The following CCDC91 variants were observed in gnomAD, a reference collection of about 807,000 sequenced individuals.
The protein encoded by CCDC91 is coiled-coil domain containing 91, also known as coiled-coil domain-containing protein 91.
A neutral mutation model predicts 63.2 loss-of-function variants in CCDC91; 48 were observed. The observed-to-expected ratio is 0.76, with a 90% confidence interval of 0.60 to 0.97. The LOEUF (loss-of-function observed/expected upper bound fraction) is 0.97. Among genes scored for constraint, CCDC91 ranks in the 50% least tolerant of loss-of-function variants. CCDC91 has a pLI of 0.00. For missense variants in CCDC91, 500 were observed against 494.6 expected, an observed-to-expected ratio of 1.01 and a Z score of -0.10; for synonymous variants, 167 against 165.8, an observed-to-expected ratio of 1.01 and a Z score of -0.06.
chr12:28,245,382 A>T (rs980104244), intron 1 of CCDC91, among the ~76,000 whole-genome samples: 16 of 152,198 alleles, frequency 1.1e-4, no homozygotes, highest in Non-Finnish European at 1.5e-5. Context: ...AGATGGCTGA[A>T]ATACTTAAAT....
intron 3 of CCDC91, among the ~76,000 whole-genome samples, chr12:28,292,963 C>A (rs1254321637): frequency 6.6e-6 from 1 of 152,046 alleles, no homozygotes; most frequent in Non-Finnish European, 1.5e-5. Flanking sequence ...CAGCTTCTGG[C>A]AAATGGTATA....
Position 28,193,605 on chromosome 12 carries a change from CA to C in CCDC91, c.-15+2978del, listed in dbSNP as rs61394800. Among the ~76,000 whole-genome samples the C allele has an allele frequency of 3.6e-3, 465 of 130,440 alleles. 4 individuals are homozygous for C. Among genetic ancestry groups the C allele is most frequent in the Middle Eastern group, 8.2e-3 (2 of 244 alleles). 85.6% of individuals were successfully genotyped at this position (130,440 alleles called of 152,430 possible). ...ACAGAGTGAAACTCCGTCTCAAAAACAAAAAAAAAAAAAAGAAGGAAATTAC... is the reference window on the plus strand; with the variant it reads ...ACAGAGTGAAACTCCGTCTCAAAAACAAAAAAAAAAAAAGAAGGAAATTAC... On this transcript the variant is annotated intron_variant, in intron 1 of 12. Coordinates refer to ENST00000536442, the MANE Select transcript of CCDC91 (RefSeq NM_018318.5).
intron 1 of CCDC91, among the ~76,000 whole-genome samples, chr12:28,208,048 A>T (rs184946678): frequency 6.6e-6 from 1 of 152,308 alleles, no homozygotes; most frequent in Non-Finnish European, 1.5e-5. Context: ...GCAGTTTTAT[A>T]ACCCAGTCAG....
chr12:28,369,830 C>G (rs1190330110), intron 7 of CCDC91, among the ~76,000 whole-genome samples: 2 of 152,206 alleles, frequency 1.3e-5, no homozygotes, highest in Non-Finnish European at 2.9e-5. Context: ...GGCTTACACC[C>G]TCTGAGGCAA....
chr12:28,331,035 A>G (rs556562798), intron 6 of CCDC91, among the ~76,000 whole-genome samples: 2 of 152,292 alleles, frequency 1.3e-5, no homozygotes, highest in South Asian at 4.1e-4. Flanking sequence ...ATGCTTCCAG[A>G]TTAGAATTTA....
chr12:28,280,348 C>CT (rs571834307), intron 3 of CCDC91, among the ~76,000 whole-genome samples: 1 of 151,884 alleles, frequency 6.6e-6, no homozygotes, highest in African/African-American at 2.4e-5. Flanking sequence ...AGGTCTTTCA[C>CT]TTTTTTTTCC....
intron 1 of CCDC91, among the ~76,000 whole-genome samples, chr12:28,207,546 G>A (rs2033038264): frequency 1.3e-5 from 2 of 152,180 alleles, no homozygotes; most frequent in Admixed American, 6.5e-5. Context: ...GCATGGGAAA[G>A]TTTGTATACA....
At chr12:28,303,074 AG>A (rs1484924025) in intron 3 of CCDC91, among the ~76,000 whole-genome samples, 2 of 152,064 alleles carry the variant, frequency 1.3e-5, no homozygotes, top group Non-Finnish European at 2.9e-5. Flanking sequence ...CCAAAGGAGG[AG>A]TTTTAAGAAA....
intron 11 of CCDC91, among the ~76,000 whole-genome samples, chr12:28,475,510 A>G (rs1473867449): frequency 1.3e-5 from 2 of 152,074 alleles, no homozygotes; most frequent in African/African-American, 4.8e-5. Flanking sequence ...AAGGGCTTGT[A>G]GCTCCTTCCT....
intron 12 of CCDC91, among the ~76,000 whole-genome samples, chr12:28,527,607 A>G (rs1224618708): frequency 7.1e-6 from 1 of 140,796 alleles, no homozygotes; most frequent in African/African-American, 2.5e-5. Flanking sequence ...GCAAGAGAGC[A>G]TCAGCTATGG....
chr12:28,396,642 TTTTGTGTGTGTGTGTGTGTG>T (rs1411375436), intron 8 of CCDC91, among the ~76,000 whole-genome samples: 3 of 148,508 alleles, frequency 2.0e-5, no homozygotes, highest in Non-Finnish European at 4.5e-5. Flanking sequence ...ATAAAGGAGA[TTTTGTGTGTGTGTGTGTGTG>T]TGTGTGTGTG....
At chr12:28,401,689 C>A (rs926723415) in intron 8 of CCDC91, among the ~76,000 whole-genome samples, 13 of 152,144 alleles carry the variant, frequency 8.5e-5, no homozygotes, top group Non-Finnish European at 1.6e-4. Context: ...CTTTGACACA[C>A]AGGGCTTATT....
At chr12:28,307,053 C>A in intron 5 of CCDC91, 108 bp downstream of exon 5, 1 of 751,906 alleles carries the variant, frequency 1.3e-6, no homozygotes, top group Admixed American at 2.7e-5. Flanking sequence ...ACTTTTCTCC[C>A]TTGGTTGTAG....
At chr12:28,433,508 A>G (rs1948741245) in intron 8 of CCDC91, among the ~76,000 whole-genome samples, 1 of 151,962 alleles carries the variant, frequency 6.6e-6, no homozygotes, top group African/African-American at 2.4e-5. Flanking sequence ...GCCACTTTTC[A>G]AATATCAGTT....
intron 12 of CCDC91, among the ~76,000 whole-genome samples, chr12:28,502,395 A>C (rs533703461): frequency 6.6e-6 from 1 of 151,956 alleles, no homozygotes; most frequent in Admixed American, 6.6e-5. Context: ...GGACCTCTTC[A>C]AGGAGAACTA....
chr12:28,370,870 A>G (rs1164997286), intron 7 of CCDC91, among the ~76,000 whole-genome samples: 1 of 152,150 alleles, frequency 6.6e-6, no homozygotes, highest in African/African-American at 2.4e-5. Context: ...TTAAGCTGTC[A>G]GATCTCATGA....
chr12:28,461,172 C>T (rs1345304527), intron 11 of CCDC91, among the ~76,000 whole-genome samples: 2 of 151,994 alleles, frequency 1.3e-5, no homozygotes, highest in African/African-American at 4.8e-5. Context: ...GTTGCATACA[C>T]AGTCCCTCAT....
chr12:28,422,466 C>G (rs1214675115), intron 8 of CCDC91, among the ~76,000 whole-genome samples: 2 of 151,768 alleles, frequency 1.3e-5, no homozygotes, highest in African/African-American at 4.8e-5. Context: ...TATTCTAATC[C>G]ATTCTAAGCA....
At chr12:28,390,744 A>G (rs1053105175) in intron 7 of CCDC91, among the ~76,000 whole-genome samples, 24 of 151,954 alleles carry the variant, frequency 1.6e-4, no homozygotes, top group Non-Finnish European at 2.9e-4. Context: ...ACCTTTTCAC[A>G]TTAGGAGCGT....
Sources: allele counts gnomAD v4.1 joint callset (sites outside exome capture counted in the v4.1 genomes callset), GRCh38; gene constraint gnomAD v4.1.1; transcripts MANE v1.5; gene names NCBI Gene and HGNC (gene_info 2026-07-23, HGNC 2026-07-21).